Variants in RYR3 observed in about 807,000 individuals in gnomAD.
RYR3 encodes the protein ryanodine receptor 3, also known as brain ryanodine receptor-calcium release channel.
RYR3 carries 207 observed loss-of-function variants against 584.3 expected under a neutral mutation model. The observed-to-expected ratio is 0.35, with a 90% CI of 0.32 to 0.40. The LOEUF (loss-of-function observed/expected upper bound fraction) is 0.40, where lower values mean the gene tolerates loss of function less well. RYR3 is among the 10% of genes least tolerant of loss of function. RYR3 has a pLI of 1.00. For synonymous variants in RYR3, 2,416 were observed against 2,248.5 expected, an observed-to-expected ratio of 1.07 and a Z score of -2.11; for missense variants, 5,616 against 6,089.2, an observed-to-expected ratio of 0.92 and a Z score of 2.59.
At chr15:33,601,801 A>G (rs1032039973) in intron 17 of RYR3, among the ~76,000 whole-genome samples, 14 of 152,254 alleles carry the variant, frequency 9.2e-5, no homozygotes, top group African/African-American at 3.4e-4. Flanking sequence ...CTGAGTGCTA[A>G]AGAATTTGAC....
In RYR3 at chr15:33,489,820, G is replaced by A. The variant is rs140893202; in HGVS notation, c.172-13811G>A. The stretch of plus-strand genomic sequence containing the variant: ...TGAACTAATTTATACTACCACCAAC[G>A]GTGTGTAAGTATTCCTCTTTCTCTG... On this transcript the variant is annotated intron_variant, in intron 2 of 103. Transcript: ENST00000634891. 3.1e-3 allele frequency among the ~76,000 whole-genome samples: 472 copies of A among 152,204 alleles called. 2 individuals are homozygous for A. The highest frequency in any genetic ancestry group is 0.011 in the African/African-American group (440 of 41,528).
chr15:33,611,034 A>C (rs1379625560), intron 18 of RYR3, among the ~76,000 whole-genome samples: 1 of 152,208 alleles, frequency 6.6e-6, no homozygotes, highest in Admixed American at 6.5e-5. Context: ...AAAACATTAA[A>C]TAGTTCTAAA....
intron 2 of RYR3, among the ~76,000 whole-genome samples, chr15:33,478,104 G>A (rs373221863): frequency 7.3e-6 from 1 of 137,042 alleles, no homozygotes; most frequent in Non-Finnish European, 1.5e-5. Flanking sequence ...CCACTTGAGG[G>A]GGTTGGGGGG....
intron 74 of RYR3, among the ~76,000 whole-genome samples, chr15:33,815,013 T>G (rs1464872499): frequency 2.7e-5 from 4 of 146,594 alleles, no homozygotes; most frequent in African/African-American, 1.0e-4. Context: ...GAGGTTGCAG[T>G]GAACAGAGGT....
chr15:33,555,468 T>C (rs1449069445), intron 10 of RYR3, among the ~76,000 whole-genome samples: 2 of 152,202 alleles, frequency 1.3e-5, no homozygotes, highest in African/African-American at 2.4e-5. Context: ...TTTTAAACTT[T>C]AAGTTGATGT....
At chr15:33,452,855 A>G (rs2047242226) in intron 1 of RYR3, among the ~76,000 whole-genome samples, 1 of 152,376 alleles carries the variant, frequency 6.6e-6, no homozygotes, top group African/African-American at 2.4e-5. Flanking sequence ...ATCAGTGAAC[A>G]AGACAGACTT....
intron 1 of RYR3, among the ~76,000 whole-genome samples, chr15:33,384,419 GT>G (rs1274187974): frequency 1.4e-5 from 2 of 146,342 alleles, no homozygotes; most frequent in East Asian, 2.0e-4. Flanking sequence ...TTTTGTACTT[GT>G]TTTTTTGGTC....
At chr15:33,797,505 A>C (rs1173623169) in intron 67 of RYR3, among the ~76,000 whole-genome samples, 2 of 152,138 alleles carry the variant, frequency 1.3e-5, no homozygotes, top group African/African-American at 4.8e-5. Flanking sequence ...GAAAACCTTT[A>C]ATGAGATGTT....
intron 40 of RYR3, among the ~76,000 whole-genome samples, chr15:33,699,351 CCTCT>C (rs1201322430): frequency 1.4e-5 from 2 of 143,048 alleles, no homozygotes; most frequent in Non-Finnish European, 3.0e-5. Context: ...CTCTGTCTCT[CCTCT>C]CTCTCTCATC....
chr15:33,313,665 T>C (rs578010341), intron 1 of RYR3, among the ~76,000 whole-genome samples: 1 of 152,294 alleles, frequency 6.6e-6, no homozygotes, highest in East Asian at 1.9e-4. Context: ...TAAAAGCATT[T>C]TGGCAGTGTA....
At chr15:33,517,203 C>G (rs752154991) in intron 3 of RYR3, among the ~76,000 whole-genome samples, 2 of 152,168 alleles carry the variant, frequency 1.3e-5, no homozygotes, top group African/African-American at 2.4e-5. Context: ...CCGTGTTGGC[C>G]AGGGTGGTCT....
intron 1 of RYR3, among the ~76,000 whole-genome samples, chr15:33,458,566 T>G (rs1000937812): frequency 1.3e-5 from 2 of 152,248 alleles, no homozygotes; most frequent in African/African-American, 4.8e-5. Context: ...GAACCATGAC[T>G]AATACAGCTG....
At chr15:33,496,310 A>G (rs2051418839) in intron 2 of RYR3, among the ~76,000 whole-genome samples, 1 of 152,326 alleles carries the variant, frequency 6.6e-6, no homozygotes. Context: ...ATGCCCCTGG[A>G]GAAGTAGACT....
chr15:33,346,072 T>A (rs1017090306), intron 1 of RYR3, among the ~76,000 whole-genome samples: 3 of 152,216 alleles, frequency 2.0e-5, no homozygotes, highest in African/African-American at 7.2e-5. Context: ...TAAACCATCA[T>A]TATATATATT....
At chr15:33,794,846 G>A (rs890661954) in intron 67 of RYR3, among the ~76,000 whole-genome samples, 1 of 152,164 alleles carries the variant, frequency 6.6e-6, no homozygotes, top group Admixed American at 6.5e-5. Flanking sequence ...GTTGTTAGAG[G>A]TCACCTCATC....
chr15:33,713,796 C>T (rs2067292619), intron 43 of RYR3, among the ~76,000 whole-genome samples: 1 of 152,128 alleles, frequency 6.6e-6, no homozygotes, highest in African/African-American at 2.4e-5. Context: ...TAGATGGTGC[C>T]TTCTCACTTT....
intron 1 of RYR3, among the ~76,000 whole-genome samples, chr15:33,465,442 A>T (rs1167396977): frequency 1.3e-5 from 2 of 152,114 alleles, no homozygotes; most frequent in Non-Finnish European, 2.9e-5. Flanking sequence ...TAGCATGCAA[A>T]GGTTCCCTTT....
chr15:33,556,846 G>C (rs1595577937), intron 10 of RYR3, among the ~76,000 whole-genome samples: 1 of 152,042 alleles, frequency 6.6e-6, no homozygotes, highest in East Asian at 1.9e-4. Flanking sequence ...CTCCCCGGTA[G>C]AGTTGTTTTT....
In RYR3 at chr15:33,859,612, G is replaced by C; in HGVS notation, c.14180G>C (p.Gly4727Ala). The C allele has an allele frequency of 6.2e-7, 1 of 1,614,054 alleles. No homozygotes were observed. The highest frequency in any genetic ancestry group is 8.5e-7 in the Non-Finnish European group (1 of 1,179,900). ...LFHMYVGVRA[G>A]GGIGDEIEDP... The stretch of plus-strand genomic sequence containing the variant: ...CACATGTACGTGGGAGTGAGAGCAG[G>C]AGGTGGCATTGGTGATGAAATTGAA... Residue 4727 changes from glycine to alanine, a missense_variant, in exon 100 of 104, where the codon GGA becomes GCA. By Grantham distance (60) the Gly-to-Ala change is moderately conservative. Transcript: ENST00000634891.
Sources: allele counts gnomAD v4.1 joint callset (sites outside exome capture counted in the v4.1 genomes callset), GRCh38; gene constraint gnomAD v4.1.1; transcripts MANE v1.5; gene names NCBI Gene and HGNC (gene_info 2026-07-23, HGNC 2026-07-21).